The following GNAO1 variants were observed in gnomAD, a reference collection of about 807,000 sequenced individuals.
The protein encoded by GNAO1 is G protein subunit alpha o1.
For missense variants in GNAO1, 166 were observed against 478.7 expected (o/e 0.35, Z 6.10); for synonymous variants, 164 against 180.7 (o/e 0.91, Z 0.74).
chr16:56,347,706 G>A, intron 6 of GNAO1: 1 of 985,836 alleles, frequency 1.0e-6, no homozygotes, highest in Non-Finnish European at 1.2e-6. Context: ...TCCTGGCAGA[G>A]CACCACTTCC....
chr16:56,277,694 G>A (rs1013624548), intron 3 of GNAO1, among the ~76,000 whole-genome samples: 3 of 151,858 alleles, frequency 2.0e-5, no homozygotes, highest in Non-Finnish European at 4.4e-5. Flanking sequence ...CCTCTGGTCT[G>A]TCTGTCTCCC....
At chr16:56,214,847 G>C (rs1211609743) in intron 2 of GNAO1, among the ~76,000 whole-genome samples, 4 of 152,234 alleles carry the variant, frequency 2.6e-5, no homozygotes, top group African/African-American at 9.6e-5. Context: ...CCTGGCCTGG[G>C]CCCCCTCACT....
chr16:56,245,998 C>T (rs1213910612), intron 2 of GNAO1, among the ~76,000 whole-genome samples: 2 of 152,342 alleles, frequency 1.3e-5, no homozygotes, highest in East Asian at 1.9e-4. Flanking sequence ...CCCATAATTA[C>T]TGCCCTGCTT....
chr16:56,314,522 G>A (rs1290133424), intron 3 of GNAO1, among the ~76,000 whole-genome samples: 1 of 152,206 alleles, frequency 6.6e-6, no homozygotes, highest in Non-Finnish European at 1.5e-5. Context: ...GGGTACTCGA[G>A]TGGAGTTTTT....
intron 2 of GNAO1, chr16:56,226,302 A>C (rs1250909238): frequency 6.6e-6 from 1 of 152,204 alleles, no homozygotes; most frequent in African/African-American, 2.4e-5. Context: ...TATGATTAGG[A>C]TAGTGGTGTG....
chr16:56,334,950 A>G (rs1369250881), intron 5 of GNAO1, 93 bp downstream of exon 5: 4 of 1,361,598 alleles, frequency 2.9e-6, no homozygotes, highest in Non-Finnish European at 4.1e-6. Flanking sequence ...CCCAAACATC[A>G]TCCTGCCCCA....
rs138985189 is a variant in GNAO1 at position 56,215,909 on chromosome 16, C to A, written c.161+23293C>A. On this transcript the variant is annotated intron_variant, in intron 2 of 8. Transcript: ENST00000262493. The stretch of plus-strand genomic sequence containing the variant: ...TATACAGGTGAGAGGGAAGTGTATA[C>A]CCCCACTCTCTTCCTGATGAGAAGA... Among the ~76,000 whole-genome samples, 190 of 152,252 alleles carry A rather than the reference C, an allele frequency of 1.2e-3. No individual in the cohort carries two copies. The East Asian group carries it at 0.023, about 18-fold the overall frequency.
At chr16:56,279,600 C>G (rs761300944) in intron 3 of GNAO1, among the ~76,000 whole-genome samples, 1 of 152,210 alleles carries the variant, frequency 6.6e-6, no homozygotes, top group African/African-American at 2.4e-5. Context: ...GTCCATGAAG[C>G]CTCCTTCCCT....
At chr16:56,208,419 A>ATGTGTGTG (rs35244461) in intron 2 of GNAO1, among the ~76,000 whole-genome samples, 1 of 148,838 alleles carries the variant, frequency 6.7e-6, no homozygotes, top group Non-Finnish European at 1.5e-5. Context: ...GCTGCTATCA[A>ATGTGTGTG]TGTGTGTGTG....
chr16:56,254,045 ATTGT>A (rs368865330), intron 2 of GNAO1, among the ~76,000 whole-genome samples: 1,615 of 151,960 alleles, frequency 0.011, 10 homozygotes, highest in South Asian at 0.024. Context: ...TTAAACATAC[ATTGT>A]TTGTTTGGGG....
intron 3 of GNAO1, among the ~76,000 whole-genome samples, chr16:56,325,082 T>TAG (rs1171230170): frequency 6.6e-6 from 1 of 152,246 alleles, no homozygotes; most frequent in Non-Finnish European, 1.5e-5. Flanking sequence ...CACTCACTTC[T>TAG]AGAGCCACGT....
rs60024206 is a variant in GNAO1 at position 56,210,206 on chromosome 16, A to C, written c.161+17590A>C. 2.3e-3 allele frequency among the ~76,000 whole-genome samples: 343 copies of C among 152,298 alleles called. 1 individual carries two copies. Among genetic ancestry groups the C allele is most frequent in the Middle Eastern group, 0.014 (4 of 294 alleles). On this transcript the variant is annotated intron_variant, in intron 2 of 8. Coordinates refer to ENST00000262493, the MANE Select transcript of GNAO1 (RefSeq NM_020988.3). The stretch of plus-strand genomic sequence containing the variant: ...GATTGGCTTTTTCTCTTAGTAATAT[A>C]TATGTAAGGCCCCTCCATGTGTTTT...
At chr16:56,314,290 C>T (rs1038468145) in intron 3 of GNAO1, among the ~76,000 whole-genome samples, 1 of 152,118 alleles carries the variant, frequency 6.6e-6, no homozygotes, top group Non-Finnish European at 1.5e-5. Flanking sequence ...TCTTTGAAAT[C>T]GTGGCTCACT....
chr16:56,272,217 G>A (rs1197848081), intron 2 of GNAO1, among the ~76,000 whole-genome samples: 1 of 152,108 alleles, frequency 6.6e-6, no homozygotes, highest in East Asian at 1.9e-4. Context: ...GCTGAGGCAG[G>A]AGAATGGCAT....
At chr16:56,207,175 A>G (rs2036338252) in intron 2 of GNAO1, among the ~76,000 whole-genome samples, 1 of 152,384 alleles carries the variant, frequency 6.6e-6, no homozygotes, top group Admixed American at 6.5e-5. Context: ...ATAATTCAGT[A>G]TAGCAGTGTG....
At chr16:56,312,754 C>T (rs1249685215) in intron 3 of GNAO1, among the ~76,000 whole-genome samples, 7 of 152,246 alleles carry the variant, frequency 4.6e-5, no homozygotes, top group African/African-American at 7.2e-5. Context: ...CTGCATGGGA[C>T]GGTCTGCCCA....
chr16:56,307,948 T>C (rs2037413994), intron 3 of GNAO1: 1 of 152,216 alleles, frequency 6.6e-6, no homozygotes, highest in Non-Finnish European at 1.5e-5. Context: ...ATTGAAAGAC[T>C]CAGCGGTGGA....
chr16:56,344,895 G>A, intron 6 of GNAO1: 1 of 985,320 alleles, frequency 1.0e-6, no homozygotes, highest in Non-Finnish European at 1.2e-6. Context: ...TAGAGGGGGT[G>A]GACTTTTGCA....
intron 2 of GNAO1, among the ~76,000 whole-genome samples, chr16:56,203,366 T>G (rs1359806774): frequency 6.6e-6 from 1 of 152,130 alleles, no homozygotes; most frequent in African/African-American, 2.4e-5. Flanking sequence ...ATCATCATCC[T>G]TCTCTGGAAT....
Sources: gnomAD v4.1 joint callset for allele counts (sites outside exome capture counted in the v4.1 genomes callset) on GRCh38, gnomAD v4.1.1 for gene constraint, MANE v1.5 for transcripts, NCBI Gene and HGNC (gene_info 2026-07-23, HGNC 2026-07-21) for gene names.